CTNNA2: variants seen among roughly 807,000 people sequenced by gnomAD.
CTNNA2 encodes catenin alpha-2.
Under a neutral mutation model 101.0 loss-of-function variants are expected in CTNNA2, and 42 were observed. The observed-to-expected ratio is 0.42, with a 90% CI of 0.32 to 0.54. The LOEUF (loss-of-function observed/expected upper bound fraction) is 0.54, where lower values mean the gene tolerates loss of function less well. Ranked by LOEUF, CTNNA2 falls within the 20% of genes least tolerant of loss-of-function variation. The pLI, the probability that CTNNA2 is intolerant of heterozygous loss-of-function variation, is 0.14. For missense variants in CTNNA2, 871 were observed against 1,223.1 expected, an observed-to-expected ratio of 0.71 and a Z score of 4.29; for synonymous variants, 450 against 456.4, an observed-to-expected ratio of 0.99 and a Z score of 0.18.
intron 7 of CTNNA2, among the ~76,000 whole-genome samples, chr2:80,192,500 A>G (rs553541921): frequency 3.9e-5 from 6 of 152,118 alleles, no homozygotes; most frequent in Non-Finnish European, 8.8e-5. Flanking sequence ...AAATCTTAAA[A>G]TGGGCTAATC....
chr2:80,322,485 A>G (rs970965348), intron 7 of CTNNA2, among the ~76,000 whole-genome samples: 3 of 152,014 alleles, frequency 2.0e-5, no homozygotes, highest in Admixed American at 2.0e-4. Flanking sequence ...CCGAGAGGCA[A>G]TTGTTCCCTT....
chr2:79,816,164 T>C (rs1256091958), intron 3 of CTNNA2, among the ~76,000 whole-genome samples: 1 of 152,118 alleles, frequency 6.6e-6, no homozygotes, highest in Non-Finnish European at 1.5e-5. Context: ...GAGGAGTCTT[T>C]AGGGTTTTCA....
At chr2:79,305,096 G>A (rs1676202673) in intron 2 of CTNNA2, among the ~76,000 whole-genome samples, 1 of 152,010 alleles carries the variant, frequency 6.6e-6, no homozygotes, top group African/African-American at 2.4e-5. Context: ...TGTGTACAGA[G>A]GCAAAGCAGT....
At chr2:79,307,223 T>A (rs1676267644) in intron 2 of CTNNA2, among the ~76,000 whole-genome samples, 1 of 152,194 alleles carries the variant, frequency 6.6e-6, no homozygotes, top group Admixed American at 6.5e-5. Context: ...CAAATGTCGA[T>A]CACTTCTTTG....
chr2:79,534,308 C>T lies in CTNNA2; in HGVS notation c.-6+21101C>T, dbSNP rs778328196. ...TTGTAAACAGTTTAGAAATGAACAC[C>T]GTTGGGCGCATTACTTTCTATTAAA... On this transcript the variant is annotated intron_variant, in intron 1 of 18. Coordinates refer to ENST00000402739, the MANE Select transcript of CTNNA2 (RefSeq NM_001282597.3). Among the ~76,000 whole-genome samples the T allele has an allele frequency of 2.6e-5, 4 of 151,874 alleles. 1 individual carries two copies. The highest frequency in any genetic ancestry group is 4.2e-4 in the South Asian group (2 of 4,810).
At chr2:79,874,767 C>T (rs1682880492) in intron 6 of CTNNA2, among the ~76,000 whole-genome samples, 1 of 152,274 alleles carries the variant, frequency 6.6e-6, no homozygotes, top group Middle Eastern at 3.4e-3. Flanking sequence ...GAGATCGTGC[C>T]ATTGCACTCC....
intron 18 of CTNNA2, 142 bp downstream of exon 18, chr2:80,619,370 T>G (rs1423287344): frequency 2.2e-6 from 2 of 902,608 alleles, no homozygotes; most frequent in Non-Finnish European, 3.0e-6. Context: ...AGGACTTATT[T>G]ATTCTTTATG....
intron 13 of CTNNA2, among the ~76,000 whole-genome samples, chr2:80,579,946 C>A (rs1294169273): frequency 6.6e-6 from 1 of 152,174 alleles, no homozygotes; most frequent in African/African-American, 2.4e-5. Context: ...AAGACAAAGC[C>A]CTGGAATGTG....
At chr2:80,256,821 A>G (rs974863429) in intron 7 of CTNNA2, among the ~76,000 whole-genome samples, 1 of 152,192 alleles carries the variant, frequency 6.6e-6, no homozygotes, top group Non-Finnish European at 1.5e-5. Context: ...AGAATTTCAC[A>G]GCTTGAACAA....
At chr2:79,630,992 G>A (rs1027131149) in intron 1 of CTNNA2, among the ~76,000 whole-genome samples, 2 of 150,780 alleles carry the variant, frequency 1.3e-5, no homozygotes, top group Non-Finnish European at 2.9e-5. Context: ...GAAACCCTTC[G>A]TTGTGAAGTC....
At chr2:79,534,544 T>C (rs914902767) in intron 1 of CTNNA2, among the ~76,000 whole-genome samples, 1 of 152,062 alleles carries the variant, frequency 6.6e-6, no homozygotes, top group Non-Finnish European at 1.5e-5. Context: ...TTTTTTTCCC[T>C]GTAAGCCTCA....
intron 12 of CTNNA2, among the ~76,000 whole-genome samples, chr2:80,568,566 C>CGTGTGTGTGTGTGT (rs36104924): frequency 1.2e-3 from 173 of 149,426 alleles, no homozygotes; most frequent in Middle Eastern, 6.9e-3. Context: ...TAATGGTGTG[C>CGTGTGTGTGTGTGT]GTGTGTGTGT....
chr2:79,683,071 G>A (rs1296228120), intron 2 of CTNNA2, among the ~76,000 whole-genome samples: 1 of 152,188 alleles, frequency 6.6e-6, no homozygotes, highest in Non-Finnish European at 1.5e-5. Context: ...TGGTGATTGT[G>A]TTAGTACTTC....
chr2:79,496,608 C>T (rs1053783807), intron 4 of CTNNA2, among the ~76,000 whole-genome samples: 6 of 151,776 alleles, frequency 4.0e-5, no homozygotes, highest in African/African-American at 1.4e-4. Context: ...TCATATTTAC[C>T]TTTGCATCTG....
chr2:79,201,315 T>C (rs901495719), intron 2 of CTNNA2, among the ~76,000 whole-genome samples: 25 of 152,136 alleles, frequency 1.6e-4, no homozygotes, highest in Admixed American at 1.2e-3. Flanking sequence ...AAGGAGAAAT[T>C]AAGACCAGCT....
At chr2:79,550,509 G>A (rs551525790) in intron 1 of CTNNA2, among the ~76,000 whole-genome samples, 12 of 152,252 alleles carry the variant, frequency 7.9e-5, no homozygotes, top group South Asian at 4.1e-4. Context: ...AGCCATAGCC[G>A]AATTGCAATG....
At chr2:79,345,379 G>A (rs988136047) in intron 3 of CTNNA2, among the ~76,000 whole-genome samples, 1 of 151,936 alleles carries the variant, frequency 6.6e-6, no homozygotes, top group Non-Finnish European at 1.5e-5. Context: ...TCTCTCATAG[G>A]CTACATTGAT....
At chr2:80,305,708 CA>C (rs1676872259) in intron 7 of CTNNA2, among the ~76,000 whole-genome samples, 1 of 151,942 alleles carries the variant, frequency 6.6e-6, no homozygotes, top group Admixed American at 6.6e-5. Flanking sequence ...CCCACCTCCC[CA>C]CACACACACC....
At chr2:80,532,299 T>G (rs908104311) in intron 9 of CTNNA2, among the ~76,000 whole-genome samples, 1 of 152,170 alleles carries the variant, frequency 6.6e-6, no homozygotes, top group Non-Finnish European at 1.5e-5. Context: ...CATTTTAAAT[T>G]GAGTGCCATT....
Sources: allele counts gnomAD v4.1 joint callset (sites outside exome capture counted in the v4.1 genomes callset), GRCh38; gene constraint gnomAD v4.1.1; transcripts MANE v1.5; gene names NCBI Gene and HGNC (gene_info 2026-07-23, HGNC 2026-07-21).